PPP2R3A: variants seen among roughly 807,000 people sequenced by gnomAD.
PPP2R3A encodes the protein serine/threonine-protein phosphatase 2A regulatory subunit B'' subunit alpha.
PPP2R3A carries 80 observed loss-of-function variants against 106.9 expected under a neutral mutation model. That is an observed-to-expected ratio of 0.75 (90% confidence interval 0.62 to 0.90). PPP2R3A has a LOEUF of 0.90. PPP2R3A is among the 40% of genes least tolerant of loss of function. The pLI is 0.00. For synonymous variants in PPP2R3A, 483 were observed against 468.3 expected (o/e 1.03, Z -0.41); for missense variants, 1,386 against 1,350.4 (o/e 1.03, Z -0.41).
chr3:136,107,991 T>A (rs1183401831), intron 13 of PPP2R3A, among the ~76,000 whole-genome samples: 1 of 152,114 alleles, frequency 6.6e-6, no homozygotes, highest in Non-Finnish European at 1.5e-5. Flanking sequence ...GGCAAACAGA[T>A]CACTTGAGCC....
chr3:135,968,759 C>G (rs926851352), intron 1 of PPP2R3A, among the ~76,000 whole-genome samples: 2 of 152,172 alleles, frequency 1.3e-5, no homozygotes, highest in African/African-American at 4.8e-5. Flanking sequence ...TCATTGTAGA[C>G]ATTTTTTGTG....
At chr3:136,092,437 A>T (rs2107949235) in intron 10 of PPP2R3A, among the ~76,000 whole-genome samples, 1 of 152,354 alleles carries the variant, frequency 6.6e-6, no homozygotes, top group South Asian at 2.1e-4. Context: ...GATTCCTAAC[A>T]AAATATTAGT....
At chr3:136,066,056 T>A (rs72983501) in intron 5 of PPP2R3A, among the ~76,000 whole-genome samples, 1 of 152,208 alleles carries the variant, frequency 6.6e-6, no homozygotes, top group East Asian at 1.9e-4. Context: ...ATGGACAGTT[T>A]CCTAGGAAAA....
chr3:136,079,383 C>T, intron 7 of PPP2R3A: 4 of 174,632 alleles, frequency 2.3e-5, no homozygotes, highest in South Asian at 1.2e-4. Context: ...GTTGTAGTTT[C>T]TGAATCATTT....
At chr3:135,969,949 C>T (rs1488122149) in intron 1 of PPP2R3A, among the ~76,000 whole-genome samples, 1 of 152,198 alleles carries the variant, frequency 6.6e-6, no homozygotes, top group Non-Finnish European at 1.5e-5. Flanking sequence ...CCACTTTGCT[C>T]ATTTATTTCT....
At chr3:135,971,651 G>A (rs965816321) in intron 1 of PPP2R3A, among the ~76,000 whole-genome samples, 8 of 152,212 alleles carry the variant, frequency 5.3e-5, no homozygotes, top group African/African-American at 1.9e-4. Context: ...TCAGTTAGGT[G>A]GATGATGGTT....
At chr3:136,104,498 G>A (rs1937465492) in intron 12 of PPP2R3A, among the ~76,000 whole-genome samples, 1 of 152,042 alleles carries the variant, frequency 6.6e-6, no homozygotes, top group Admixed American at 6.6e-5. Context: ...TACAGACAAG[G>A]TTTCTCCATA....
chr3:135,995,228 A>T (rs1371122230), intron 1 of PPP2R3A, among the ~76,000 whole-genome samples: 4 of 152,174 alleles, frequency 2.6e-5, no homozygotes, highest in Admixed American at 6.5e-5. Context: ...CATTCAGAAC[A>T]ATTATGATTT....
At chr3:136,079,640 C>T (rs1936718118) in intron 7 of PPP2R3A, among the ~76,000 whole-genome samples, 1 of 152,028 alleles carries the variant, frequency 6.6e-6, no homozygotes, top group Admixed American at 6.6e-5. Context: ...AACTCCTGAC[C>T]TCATGATCCA....
At chr3:136,085,721 A>G (rs1379514388) in intron 8 of PPP2R3A, among the ~76,000 whole-genome samples, 1 of 152,164 alleles carries the variant, frequency 6.6e-6, no homozygotes, top group Non-Finnish European at 1.5e-5. Flanking sequence ...CAGAGTATGA[A>G]TCTTAAATAA....
intron 5 of PPP2R3A, among the ~76,000 whole-genome samples, chr3:136,060,100 G>A (rs1468066482): frequency 6.6e-6 from 1 of 152,126 alleles, no homozygotes; most frequent in African/African-American, 2.4e-5. Flanking sequence ...GTTTACCTAT[G>A]TAACAAGTCA....
At chr3:136,049,166 C>T (rs146528571) in intron 4 of PPP2R3A, 93 bp from the exon 5 acceptor site, 3 of 859,704 alleles carry the variant, frequency 3.5e-6, no homozygotes, top group East Asian at 4.9e-5. Context: ...ATCTGAGTGG[C>T]CTTCAGATCA....
chr3:136,142,973 C>T (rs1316350723), intron 13 of PPP2R3A, among the ~76,000 whole-genome samples: 1 of 152,154 alleles, frequency 6.6e-6, no homozygotes, highest in African/African-American at 2.4e-5. Flanking sequence ...CTTGCATTAG[C>T]GGAAAGTTCC....
intron 13 of PPP2R3A, among the ~76,000 whole-genome samples, chr3:136,119,067 C>A (rs528430993): frequency 2.2e-4 from 33 of 152,150 alleles, no homozygotes; most frequent in Non-Finnish European, 4.4e-4. Flanking sequence ...AATAACACCA[C>A]ACATCTACAA....
chr3:136,102,165 T>C lies in PPP2R3A; in HGVS notation c.3086T>C (p.Val1029Ala). The change falls in exon 11 of 14, where the codon GTG becomes GCG. Residue 1029 changes from valine (V) to alanine (A), a missense_variant. Physicochemically the swap from Val to Ala is moderately conservative, Grantham distance 64. Transcript: ENST00000264977. ...HDLLCQMLDL[V>A]KPAVDGKITL... ...TTACTGTGCCAGATGCTTGACCTAG[T>C]GAAGCCAGCTGTTGATGGTGAGACC... 1 of 1,613,140 alleles carries C rather than the reference T, an allele frequency of 6.2e-7. No individual in the cohort carries two copies. Among genetic ancestry groups the C allele is most frequent in the Non-Finnish European group, 8.5e-7 (1 of 1,179,950 alleles).
At chr3:136,100,358 G>C (rs1159192557) in intron 10 of PPP2R3A, among the ~76,000 whole-genome samples, 14 of 149,928 alleles carry the variant, frequency 9.3e-5, no homozygotes, top group Non-Finnish European at 1.2e-4. Flanking sequence ...AAAAAAAAAA[G>C]AACTTTTATT....
intron 3 of PPP2R3A, among the ~76,000 whole-genome samples, chr3:136,031,720 T>A (rs1447048104): frequency 6.6e-6 from 1 of 152,222 alleles, no homozygotes; most frequent in Admixed American, 6.5e-5. Flanking sequence ...CTCCTACATG[T>A]GACTAGCCAA....
chr3:136,067,926 AG>A (rs1197613894), intron 5 of PPP2R3A, among the ~76,000 whole-genome samples: 1 of 152,216 alleles, frequency 6.6e-6, no homozygotes, highest in Non-Finnish European at 1.5e-5. Flanking sequence ...ATAAAAACAC[AG>A]GGGCATATCA....
At chr3:135,988,044 C>T (rs1453227171) in intron 1 of PPP2R3A, among the ~76,000 whole-genome samples, 1 of 152,078 alleles carries the variant, frequency 6.6e-6, no homozygotes, top group East Asian at 1.9e-4. Context: ...GTCCCCTAAA[C>T]TCCAGGCTCA....
Sources: gnomAD v4.1 joint callset for allele counts (sites outside exome capture counted in the v4.1 genomes callset) on GRCh38, gnomAD v4.1.1 for gene constraint, MANE v1.5 for transcripts, NCBI Gene and HGNC (gene_info 2026-07-23, HGNC 2026-07-21) for gene names.